The following CHSY3 variants were observed in gnomAD, a reference collection of about 807,000 sequenced individuals.
CHSY3 encodes the protein N-acetylgalactosaminyl-proteoglycan 3-beta-glucuronosyltransferase 3.
In CHSY3, 35 loss-of-function variants were observed where a neutral mutation model predicts 67.2. That is an observed-to-expected ratio of 0.52 (90% confidence interval 0.40 to 0.69). CHSY3 has a LOEUF of 0.69. CHSY3 is among the 30% of genes least tolerant of loss of function. The probability of loss-of-function intolerance (pLI) is 0.00; values close to 1 mark genes in which losing one functional copy is unlikely to be tolerated. For missense variants in CHSY3, 1,069 were observed against 1,138.5 expected (o/e 0.94, Z 0.88); for synonymous variants, 474 against 434.7 (o/e 1.09, Z -1.12).
In CHSY3 at chr5:130,184,376, C is replaced by G. The variant is rs151036314; in HGVS notation, c.1234C>G (p.Arg412Gly). Residue 412 changes from arginine (R) to glycine (G), a missense_variant, in exon 3 of 3, where the codon CGC (arginine) becomes GGC (glycine). This residue lies in a region of CHSY3 where 401 missense variants were observed against 395.2 expected (regional missense o/e 1.01). Coordinates refer to ENST00000305031, the MANE Select transcript of CHSY3 (RefSeq NM_175856.5). ...CAGGCTGCATAATTACATGCTCAGCCGCAAAATTTCTGAACTTCGCTACCG... is the reference window on the plus strand; with the variant it reads ...CAGGCTGCATAATTACATGCTCAGCGGCAAAATTTCTGAACTTCGCTACCG... ...QYRLHNYMLS[R>G]KISELRYRTI... is the part of the protein sequence containing the mutation. 8.1e-6 allele frequency: 13 copies of G among 1,613,990 alleles called. No homozygotes were observed. The highest frequency in any genetic ancestry group is 1.0e-5 in the Non-Finnish European group (12 of 1,179,912).
intron 2 of CHSY3, among the ~76,000 whole-genome samples, chr5:130,056,495 G>T (rs1013472343): frequency 6.6e-6 from 1 of 152,134 alleles, no homozygotes; most frequent in Non-Finnish European, 1.5e-5. Flanking sequence ...ATGAATCAAA[G>T]ATGAATCTTC....
chr5:130,088,281 G>A (rs1353976632), intron 2 of CHSY3, among the ~76,000 whole-genome samples: 39 of 151,004 alleles, frequency 2.6e-4, no homozygotes, highest in African/African-American at 8.9e-4. Context: ...GAAAACCTAG[G>A]CATTACCATT....
intron 2 of CHSY3, among the ~76,000 whole-genome samples, chr5:130,169,680 G>A (rs545714407): frequency 1.4e-5 from 1 of 71,870 alleles, no homozygotes; most frequent in South Asian, 7.3e-4. Flanking sequence ...CTTGAATTTT[G>A]GGAGCACAGA....
At chr5:129,939,596 G>T (rs903613606) in intron 2 of CHSY3, among the ~76,000 whole-genome samples, 1 of 152,120 alleles carries the variant, frequency 6.6e-6, no homozygotes, top group Non-Finnish European at 1.5e-5. Context: ...CTCCAAATAA[G>T]AAATGAAAAC....
rs987570163 is a variant in CHSY3, at chr5:130,030,308, G to A, written c.1086+121948G>A. 2.0e-5 allele frequency among the ~76,000 whole-genome samples: 3 copies of A among 152,050 alleles called. No homozygotes were observed. In the South Asian group the frequency reaches 6.2e-4, roughly 31 times the overall value. On this transcript the variant is annotated intron_variant, in intron 2 of 2. Transcript: ENST00000305031. ...TAGAGTTTTAATGACTTTTAAAATT[G>A]CTTCCAGTAATGGAGGCAGCATTTT...
At chr5:130,091,136 G>GCA (rs1439806303) in intron 2 of CHSY3, among the ~76,000 whole-genome samples, 4 of 74,528 alleles carry the variant, frequency 5.4e-5, no homozygotes, top group Admixed American at 1.6e-4. Context: ...ACACACACAC[G>GCA]CACACGCGCG....
At chr5:129,946,667 A>G (rs1266888855) in intron 2 of CHSY3, among the ~76,000 whole-genome samples, 1 of 152,148 alleles carries the variant, frequency 6.6e-6, no homozygotes, top group Non-Finnish European at 1.5e-5. Flanking sequence ...TGACTCTTTT[A>G]GATTCCACAT....
chr5:130,096,016 A>G (rs1767032017), intron 2 of CHSY3, among the ~76,000 whole-genome samples: 1 of 152,230 alleles, frequency 6.6e-6, no homozygotes, highest in Non-Finnish European at 1.5e-5. Flanking sequence ...ACTGACAAGA[A>G]GTATTCAAAG....
At chr5:129,976,483 C>G (rs939789476) in intron 2 of CHSY3, among the ~76,000 whole-genome samples, 2 of 151,968 alleles carry the variant, frequency 1.3e-5, no homozygotes, top group African/African-American at 4.8e-5. Context: ...ACAGAGTGTC[C>G]ACCTAAAAAT....
chr5:129,905,275 G>T lies in CHSY3; in HGVS notation c.446G>T (p.Arg149Leu). The T allele has an allele frequency of 1.4e-6, 2 of 1,454,250 alleles. No individual in the cohort carries two copies. Among genetic ancestry groups the T allele is most frequent in the Middle Eastern group, 2.1e-4 (1 of 4,742 alleles). The allele number at this position is 1,454,250 out of a possible 1,614,324, so 90.1% of individuals were successfully genotyped here. Reference sequence around the variant, plus strand: ...GCGGCTGGGCAGCGGAGAGACGGCCGGCCGGGGAGTAGCCACAACGGCAGC... The same window carrying T: ...GCGGCTGGGCAGCGGAGAGACGGCCTGCCGGGGAGTAGCCACAACGGCAGC... Reference protein sequence around the residue: ...GGAAGQRRDGRPGSSHNGSGD... With the variant: ...GGAAGQRRDGLPGSSHNGSGD... The change falls in exon 1 of 3, where the codon CGG becomes CTG. Residue 149 changes from arginine (R) to leucine (L), a missense_variant. Arg to Leu is a moderately radical substitution (Grantham distance 102). Transcript: ENST00000305031.
At chr5:130,145,367 T>C (rs1390364838) in intron 2 of CHSY3, among the ~76,000 whole-genome samples, 1 of 152,182 alleles carries the variant, frequency 6.6e-6, no homozygotes, top group African/African-American at 2.4e-5. Flanking sequence ...CTTCAATAAA[T>C]GTTGCTGGGA....
At chr5:130,019,115 A>G (rs534994497) in intron 2 of CHSY3, among the ~76,000 whole-genome samples, 9 of 150,460 alleles carry the variant, frequency 6.0e-5, no homozygotes, top group Non-Finnish European at 1.3e-4. Context: ...TTATAGCAAC[A>G]CAAAACAGAC....
intron 2 of CHSY3, among the ~76,000 whole-genome samples, chr5:130,136,804 G>A (rs763175462): frequency 1.3e-5 from 2 of 151,990 alleles, no homozygotes; most frequent in African/African-American, 4.8e-5. Flanking sequence ...AAAATATAAA[G>A]ATTTATTTAA....
At chr5:130,151,806 C>T (rs1180895390) in intron 2 of CHSY3, among the ~76,000 whole-genome samples, 1 of 152,148 alleles carries the variant, frequency 6.6e-6, no homozygotes, top group African/African-American at 2.4e-5. Context: ...TGTGTCCCTT[C>T]CATGATACAT....
chr5:130,022,868 C>T (rs750680876), intron 2 of CHSY3, among the ~76,000 whole-genome samples: 2 of 151,812 alleles, frequency 1.3e-5, no homozygotes, highest in Non-Finnish European at 2.9e-5. Flanking sequence ...GTTCAGTTTT[C>T]TAAAAGGGGT....
intron 2 of CHSY3, among the ~76,000 whole-genome samples, chr5:130,044,000 T>C (rs1765075212): frequency 6.6e-6 from 1 of 152,000 alleles, no homozygotes. Flanking sequence ...TATGGAGATA[T>C]CAGGCACACA....
At chr5:129,918,857 C>T (rs1209691780) in intron 2 of CHSY3, among the ~76,000 whole-genome samples, 1 of 150,568 alleles carries the variant, frequency 6.6e-6, no homozygotes. Flanking sequence ...CCTGTAATCC[C>T]AGCACTTTGG....
chr5:130,035,237 T>C (rs1764831573), intron 2 of CHSY3, among the ~76,000 whole-genome samples: 1 of 151,990 alleles, frequency 6.6e-6, no homozygotes, highest in African/African-American at 2.4e-5. Context: ...CCAGGATAAT[T>C]ACAGGAGAGG....
At chr5:130,159,237 C>A (rs1769458798) in intron 2 of CHSY3, among the ~76,000 whole-genome samples, 2 of 137,758 alleles carry the variant, frequency 1.5e-5, no homozygotes, top group African/African-American at 5.4e-5. Flanking sequence ...AATCATGGCT[C>A]ACTGTAGCCT....
Sources: gnomAD v4.1 joint callset for allele counts (sites outside exome capture counted in the v4.1 genomes callset) on GRCh38, gnomAD v4.1.1 for gene constraint, gnomAD v4.1.1 regional missense constraint, MANE v1.5 for transcripts, NCBI Gene and HGNC (gene_info 2026-07-23, HGNC 2026-07-21) for gene names.